STXBP5L: variants seen among roughly 807,000 people sequenced by gnomAD.
STXBP5L encodes the protein syntaxin binding protein 5L, also known as syntaxin-binding protein 5-like.
A neutral mutation model predicts 144.5 loss-of-function variants in STXBP5L; 65 were observed. That is an observed-to-expected ratio of 0.45 (90% CI 0.37 to 0.55). The LOEUF is 0.55. STXBP5L is among the 20% of genes least tolerant of loss of function. STXBP5L has a pLI of 0.00. For missense variants in STXBP5L, 1,298 were observed against 1,405.5 expected (o/e 0.92, Z 1.22); for synonymous variants, 505 against 469.6 (o/e 1.08, Z -0.97).
At chr3:121,176,673 T>C (rs952780701) in intron 9 of STXBP5L, among the ~76,000 whole-genome samples, 2 of 151,410 alleles carry the variant, frequency 1.3e-5, no homozygotes, top group Non-Finnish European at 3.0e-5. Flanking sequence ...AGTAAGTCAA[T>C]AAAAAGACAA....
chr3:121,089,915 G>A (rs1463183924), intron 5 of STXBP5L, among the ~76,000 whole-genome samples: 4 of 151,892 alleles, frequency 2.6e-5, no homozygotes, highest in Non-Finnish European at 4.4e-5. Flanking sequence ...AGTAAAATTT[G>A]TAATTGGTTC....
intron 3 of STXBP5L, among the ~76,000 whole-genome samples, chr3:120,958,158 A>C (rs1209470153): frequency 1.3e-5 from 2 of 152,356 alleles, no homozygotes; most frequent in African/African-American, 4.8e-5. Flanking sequence ...GAAAATCTAG[A>C]AGAAATGGAT....
intron 14 of STXBP5L, among the ~76,000 whole-genome samples, chr3:121,248,778 G>A (rs900717818): frequency 5.9e-5 from 9 of 152,132 alleles, no homozygotes; most frequent in African/African-American, 2.2e-4. Flanking sequence ...GTAGTTTGAG[G>A]TATTACATTT....
chr3:121,236,524 A>G (rs956840072), intron 12 of STXBP5L, among the ~76,000 whole-genome samples: 1 of 152,132 alleles, frequency 6.6e-6, no homozygotes, highest in Admixed American at 6.5e-5. Context: ...CAAGAGAGAG[A>G]GGGGACAGGT....
intron 7 of STXBP5L, among the ~76,000 whole-genome samples, chr3:121,122,547 T>C (rs1162682426): frequency 6.6e-5 from 10 of 151,456 alleles, no homozygotes; most frequent in Non-Finnish European, 1.5e-4. Flanking sequence ...TGTATCTAAA[T>C]AGATAAATCC....
intron 6 of STXBP5L, among the ~76,000 whole-genome samples, chr3:121,119,657 C>A (rs1224104953): frequency 6.6e-6 from 1 of 151,072 alleles, no homozygotes; most frequent in African/African-American, 2.4e-5. Context: ...ATTTTTAGGT[C>A]AATTTCTCAT....
At chr3:121,396,681 G>C (rs1398316131) in intron 22 of STXBP5L, among the ~76,000 whole-genome samples, 1 of 152,222 alleles carries the variant, frequency 6.6e-6, no homozygotes, top group Non-Finnish European at 1.5e-5. Context: ...TCCAGGTAAT[G>C]CTGTATCTGC....
At chr3:121,050,731 A>T (rs1353335678) in intron 5 of STXBP5L, among the ~76,000 whole-genome samples, 4 of 152,216 alleles carry the variant, frequency 2.6e-5, no homozygotes, top group Non-Finnish European at 5.9e-5. Context: ...TACACACATA[A>T]CAATATTAAC....
intron 5 of STXBP5L, among the ~76,000 whole-genome samples, chr3:121,055,396 A>G (rs944140671): frequency 3.3e-5 from 5 of 152,164 alleles, no homozygotes; most frequent in African/African-American, 7.2e-5. Flanking sequence ...AATTTATACT[A>G]TAAATTTTAG....
intron 22 of STXBP5L, among the ~76,000 whole-genome samples, chr3:121,399,595 G>A (rs1351774083): frequency 6.6e-6 from 1 of 152,210 alleles, no homozygotes; most frequent in Non-Finnish European, 1.5e-5. Context: ...GAAATGAAGG[G>A]ATGGGCTGAA....
intron 12 of STXBP5L, among the ~76,000 whole-genome samples, chr3:121,234,079 G>A (rs2049392819): frequency 6.6e-6 from 1 of 152,132 alleles, no homozygotes; most frequent in Admixed American, 6.6e-5. Flanking sequence ...CAGAATCTCA[G>A]GGGCAGAGAA....
intron 6 of STXBP5L, among the ~76,000 whole-genome samples, chr3:121,118,528 C>T (rs1342183708): frequency 1.3e-5 from 2 of 151,570 alleles, no homozygotes; most frequent in African/African-American, 2.4e-5. Context: ...GGTTTTATAA[C>T]ATGAAAGGTC....
intron 3 of STXBP5L, among the ~76,000 whole-genome samples, chr3:121,016,261 C>G (rs1945141221): frequency 6.6e-6 from 1 of 152,166 alleles, no homozygotes; most frequent in South Asian, 2.1e-4. Context: ...TTAACAGAAC[C>G]AGAGTCAGCA....
intron 19 of STXBP5L, among the ~76,000 whole-genome samples, chr3:121,307,706 A>G (rs113875673): frequency 1.3e-5 from 2 of 152,294 alleles, no homozygotes; most frequent in African/African-American, 4.8e-5. Context: ...CAACATATAC[A>G]TAATAGGATT....
At chr3:121,010,789 A>G (rs1005579324) in intron 3 of STXBP5L, among the ~76,000 whole-genome samples, 2 of 151,836 alleles carry the variant, frequency 1.3e-5, no homozygotes, top group Admixed American at 6.6e-5. Flanking sequence ...AAGAGAAAAT[A>G]TATTTATTCA....
intron 3 of STXBP5L, among the ~76,000 whole-genome samples, chr3:121,036,263 G>A (rs1946745738): frequency 6.6e-6 from 1 of 152,090 alleles, no homozygotes; most frequent in South Asian, 2.1e-4. Flanking sequence ...AACCCAGGAG[G>A]CAGAGGTTGC....
At chr3:120,928,239 T>C (rs879481045) in intron 2 of STXBP5L, among the ~76,000 whole-genome samples, 1 of 138,688 alleles carries the variant, frequency 7.2e-6, no homozygotes, top group Admixed American at 7.6e-5. Flanking sequence ...CCTTATCCTT[T>C]TCCAGAGGCA....
intron 5 of STXBP5L, among the ~76,000 whole-genome samples, chr3:121,078,681 G>C (rs1018965229): frequency 6.6e-6 from 1 of 152,092 alleles, no homozygotes; most frequent in Non-Finnish European, 1.5e-5. Context: ...CCCCGCTGCA[G>C]GTTCTGAGCC....
At chr3:121,341,249 G>A (rs1023295898) in intron 20 of STXBP5L, among the ~76,000 whole-genome samples, 2 of 152,042 alleles carry the variant, frequency 1.3e-5, no homozygotes, top group African/African-American at 4.8e-5. Flanking sequence ...CTGGAAAACA[G>A]GTTTATGTGC....
Sources: gnomAD v4.1 joint callset for allele counts (sites outside exome capture counted in the v4.1 genomes callset) on GRCh38, gnomAD v4.1.1 for gene constraint, MANE v1.5 for transcripts, NCBI Gene and HGNC (gene_info 2026-07-23, HGNC 2026-07-21) for gene names.